LARP1B: variants seen among roughly 807,000 people sequenced by gnomAD.
LARP1B encodes la-related protein 1B.
Under a neutral mutation model 114.2 loss-of-function variants are expected in LARP1B, and 76 were observed. The observed-to-expected ratio is 0.67, with a 90% CI of 0.55 to 0.81. LARP1B has a LOEUF of 0.81. LARP1B is among the 30% of genes least tolerant of loss of function. LARP1B has a pLI of 0.00. For synonymous variants in LARP1B, 345 were observed against 348.0 expected (o/e 0.99, Z 0.10); for missense variants, 1,014 against 1,075.8 (o/e 0.94, Z 0.80).
chr4:128,169,459 C>T (rs1369592360), intron 12 of LARP1B, among the ~76,000 whole-genome samples: 1 of 151,892 alleles, frequency 6.6e-6, no homozygotes, highest in Admixed American at 6.6e-5. Context: ...GATACATCAG[C>T]TATTTAGAAG....
chr4:128,105,618 C>T (rs184036937), intron 8 of LARP1B, among the ~76,000 whole-genome samples: 13 of 152,288 alleles, frequency 8.5e-5, no homozygotes, highest in Admixed American at 5.9e-4. Context: ...TATGGCCAGG[C>T]GTGGTGTTTC....
chr4:128,107,473 C>A, intron 9 of LARP1B, 160 bp downstream of exon 9: 4 of 1,449,942 alleles, frequency 2.8e-6, no homozygotes, highest in Non-Finnish European at 3.6e-6. Flanking sequence ...GCCTCACTCA[C>A]AGAGTTACAA....
intron 2 of LARP1B, 55 bp from the exon 3 acceptor site, chr4:128,074,879 T>C: frequency 8.2e-7 from 1 of 1,217,664 alleles, no homozygotes; most frequent in Non-Finnish European, 1.2e-6. Context: ...GTTTTTTTCC[T>C]GCTTAAAATT....
At chr4:128,130,457 C>T (rs115803969) in intron 11 of LARP1B, among the ~76,000 whole-genome samples, 10 of 152,264 alleles carry the variant, frequency 6.6e-5, no homozygotes, top group African/African-American at 2.4e-4. Flanking sequence ...CATCAAATAT[C>T]ATTAGGGAGC....
At chr4:128,071,918 A>G (rs184600887) in intron 1 of LARP1B, among the ~76,000 whole-genome samples, 21 of 152,218 alleles carry the variant, frequency 1.4e-4, no homozygotes, top group East Asian at 1.3e-3. Flanking sequence ...CCTTAAAAAT[A>G]TATTATTTTC....
rs191607835 is a variant in LARP1B, at chr4:128,107,124, A to T, written c.814-15A>T. On this transcript the variant is annotated splice_polypyrimidine_tract_variant and intron_variant, in intron 8 of 19. Transcript: ENST00000326639. ...AAATAGCTCATAATTTTAATAGCTCAATTTCTGTTAATAGGCACTGAAGGA... is the reference window on the plus strand; with the variant it reads ...AAATAGCTCATAATTTTAATAGCTCTATTTCTGTTAATAGGCACTGAAGGA... The T allele has an allele frequency of 6.2e-7, 1 of 1,603,606 alleles. No homozygotes were observed. The highest frequency in any genetic ancestry group is 2.2e-5 in the East Asian group (1 of 44,814).
chr4:128,206,742 A>T (rs1389539454), intron 18 of LARP1B: 1 of 985,172 alleles, frequency 1.0e-6, no homozygotes, highest in African/African-American at 1.7e-5. Context: ...ACTACTCTCA[A>T]GTCTTTCTTT....
At chr4:128,220,280 T>C (rs902784844) in intron 6 of LARP1B, 3 of 456,274 alleles carry the variant, frequency 6.6e-6, no homozygotes, top group African/African-American at 6.4e-5. Context: ...CACTTTCCTT[T>C]GTGTGTTTAA....
At chr4:128,123,496 C>A in intron 11 of LARP1B, 1 of 583,854 alleles carries the variant, frequency 1.7e-6, no homozygotes, top group African/African-American at 2.0e-5. Flanking sequence ...TTGTTTTTCA[C>A]CATAGCATAT....
chr4:128,141,162 GT>G (rs1376287522), intron 11 of LARP1B, among the ~76,000 whole-genome samples: 1 of 151,944 alleles, frequency 6.6e-6, no homozygotes, highest in Admixed American at 6.6e-5. Context: ...CTTTCCAGTG[GT>G]CTGCTTGAGT....
intron 5 of LARP1B, among the ~76,000 whole-genome samples, chr4:128,087,002 C>G (rs912129344): frequency 6.6e-6 from 1 of 151,946 alleles, no homozygotes; most frequent in Admixed American, 6.6e-5. Flanking sequence ...GAGACAGAGT[C>G]TCGCACTATT....
At chr4:128,062,615 A>G (rs1401713309) in intron 1 of LARP1B, among the ~76,000 whole-genome samples, 1 of 129,718 alleles carries the variant, frequency 7.7e-6, no homozygotes, top group Non-Finnish European at 1.6e-5. Context: ...TTTTTTACAT[A>G]AAAGGATTGA....
At chr4:128,205,690 CA>C (rs11312750) in intron 17 of LARP1B, among the ~76,000 whole-genome samples, 93,172 of 151,906 alleles carry the variant, frequency 0.61, 30,389 homozygotes, top group Middle Eastern at 0.82. Flanking sequence ...CACAGCCGTA[CA>C]GTCTTTATCT....
chr4:128,073,405 G>A (rs1766163186), intron 1 of LARP1B, among the ~76,000 whole-genome samples: 1 of 93,028 alleles, frequency 1.1e-5, no homozygotes, highest in Non-Finnish European at 1.9e-5. Flanking sequence ...GACAGAGTGA[G>A]AAGATTCCGT....
chr4:128,076,834 C>T (rs1490460703), intron 3 of LARP1B, among the ~76,000 whole-genome samples: 1 of 151,964 alleles, frequency 6.6e-6, no homozygotes, highest in African/African-American at 2.4e-5. Flanking sequence ...CAAGTGACCC[C>T]CCCACCTCAG....
intron 1 of LARP1B, among the ~76,000 whole-genome samples, chr4:128,072,684 GTAGC>G (rs1176186776): frequency 2.6e-5 from 4 of 151,932 alleles, no homozygotes; most frequent in Non-Finnish European, 5.9e-5. Context: ...AGCCTCCTAA[GTAGC>G]TGGGATTACA....
At chr4:128,107,099 A>T in intron 8 of LARP1B, 40 bp from the exon 9 acceptor site, 1 of 1,544,916 alleles carries the variant, frequency 6.5e-7, no homozygotes, top group Non-Finnish European at 8.9e-7. Flanking sequence ...ACAGACAGTG[A>T]AATAGCTCAT....
chr4:128,077,272 T>C, intron 3 of LARP1B, among the ~76,000 whole-genome samples: 1 of 151,230 alleles, frequency 6.6e-6, no homozygotes, highest in South Asian at 2.1e-4. Context: ...CTGAGGACGG[T>C]GAATCATTTG....
chr4:128,161,376 C>T (rs1192721922), intron 11 of LARP1B, among the ~76,000 whole-genome samples: 1 of 152,194 alleles, frequency 6.6e-6, no homozygotes, highest in African/African-American at 2.4e-5. Flanking sequence ...GGGAAGCCTC[C>T]AGAACCCCAG....
Sources: gnomAD v4.1 joint callset for allele counts (sites outside exome capture counted in the v4.1 genomes callset) on GRCh38, gnomAD v4.1.1 for gene constraint, MANE v1.5 for transcripts, NCBI Gene and HGNC (gene_info 2026-07-23, HGNC 2026-07-21) for gene names.